Variants in DTD1 observed in about 807,000 individuals in gnomAD.
DTD1 encodes the protein D-tyrosyl-tRNA deacylase 1 homolog.
In DTD1, 13 loss-of-function variants were observed where a neutral mutation model predicts 25.6. That is an observed-to-expected ratio of 0.51 (90% confidence interval 0.33 to 0.81). The LOEUF (loss-of-function observed/expected upper bound fraction) is 0.81, where lower values mean the gene tolerates loss of function less well. Ranked by LOEUF, DTD1 falls within the 30% of genes least tolerant of loss-of-function variation. The pLI is 0.02. For synonymous variants in DTD1, 110 were observed against 103.6 expected (o/e 1.06, Z -0.37); for missense variants, 193 against 266.4 (o/e 0.72, Z 1.92).
intron 5 of DTD1, among the ~76,000 whole-genome samples, chr20:18,759,228 C>T (rs1402065885): frequency 6.6e-6 from 1 of 152,124 alleles, no homozygotes; most frequent in East Asian, 1.9e-4. Context: ...AGCATTTAGC[C>T]CATTCACATT....
intron 4 of DTD1, among the ~76,000 whole-genome samples, chr20:18,673,867 A>G (rs1466505422): frequency 6.6e-6 from 1 of 152,138 alleles, no homozygotes; most frequent in Non-Finnish European, 1.5e-5. Flanking sequence ...TTTTAGAGAA[A>G]AATGTTTCTC....
intron 3 of DTD1, among the ~76,000 whole-genome samples, chr20:18,614,652 A>C (rs1234910792): frequency 6.6e-6 from 1 of 152,154 alleles, no homozygotes; most frequent in African/African-American, 2.4e-5. Context: ...TTAGCGGCAA[A>C]GACAGCCGGG....
chr20:18,733,821 T>G (rs2061246894), intron 4 of DTD1, among the ~76,000 whole-genome samples: 1 of 152,160 alleles, frequency 6.6e-6, no homozygotes, highest in South Asian at 2.1e-4. Flanking sequence ...TGTATGAAAA[T>G]TAGGTACCAT....
chr20:18,744,703 T>A (rs6112084), intron 5 of DTD1, among the ~76,000 whole-genome samples: 24,823 of 150,454 alleles, frequency 0.16, 2,274 homozygotes, highest in East Asian at 0.31. Flanking sequence ...CTTGTGAGAC[T>A]TGTTCACTAC....
At chr20:18,716,639 T>G (rs929429879) in intron 4 of DTD1, among the ~76,000 whole-genome samples, 1 of 152,208 alleles carries the variant, frequency 6.6e-6, no homozygotes, top group African/African-American at 2.4e-5. Flanking sequence ...GCCTGTGGTG[T>G]TGTAAATTTC....
intron 5 of DTD1, among the ~76,000 whole-genome samples, chr20:18,751,065 G>C (rs562233048): frequency 0.011 from 195 of 18,006 alleles, 1 homozygote; most frequent in African/African-American, 0.019. Flanking sequence ...TACAGCAGCC[G>C]TGTGTGTGTG....
chr20:18,620,228 T>A (rs140219079), intron 3 of DTD1: 1 of 152,244 alleles, frequency 6.6e-6, no homozygotes, highest in Non-Finnish European at 1.5e-5. Flanking sequence ...AGTAATCATG[T>A]TATTTTTACC....
At chr20:18,756,205 TC>T (rs1190204874) in intron 5 of DTD1, among the ~76,000 whole-genome samples, 1 of 152,262 alleles carries the variant, frequency 6.6e-6, no homozygotes, top group Non-Finnish European at 1.5e-5. Flanking sequence ...AAAAATTTTC[TC>T]CCACTTTGTA....
chr20:18,724,956 C>A (rs1258794956), intron 4 of DTD1, among the ~76,000 whole-genome samples: 1 of 152,218 alleles, frequency 6.6e-6, no homozygotes, highest in Non-Finnish European at 1.5e-5. Flanking sequence ...GCAGGGAAGC[C>A]CCTACATGGG....
At chr20:18,697,869 A>C (rs1021913426) in intron 4 of DTD1, among the ~76,000 whole-genome samples, 10 of 152,180 alleles carry the variant, frequency 6.6e-5, no homozygotes, top group Admixed American at 2.6e-4. Context: ...TATTTTTAGT[A>C]GAGACGGGGT....
intron 3 of DTD1, among the ~76,000 whole-genome samples, chr20:18,612,033 GTTTTTTT>G (rs57848248): frequency 1.0e-5 from 1 of 96,680 alleles, no homozygotes; most frequent in African/African-American, 4.1e-5. Context: ...TAATTTTTGT[GTTTTTTT>G]TTTTTTTTTT....
intron 4 of DTD1, chr20:18,643,494 A>C (rs2060838353): frequency 5.8e-6 from 1 of 172,480 alleles, no homozygotes; most frequent in African/African-American, 2.4e-5. Flanking sequence ...TTTTTGTTTG[A>C]TAGCATAATC....
At chr20:18,596,860 C>A (rs1372200674) in intron 3 of DTD1, among the ~76,000 whole-genome samples, 1 of 151,922 alleles carries the variant, frequency 6.6e-6, no homozygotes, top group Non-Finnish European at 1.5e-5. Flanking sequence ...TCATTATCAA[C>A]ATCCACCACT....
intron 4 of DTD1, among the ~76,000 whole-genome samples, chr20:18,652,233 T>C (rs1324388821): frequency 6.6e-6 from 1 of 152,236 alleles, no homozygotes; most frequent in Non-Finnish European, 1.5e-5. Context: ...GTCCTTGAAA[T>C]TAAGTGCACT....
intron 4 of DTD1, among the ~76,000 whole-genome samples, chr20:18,722,110 G>A (rs769625490): frequency 1.3e-5 from 2 of 152,200 alleles, no homozygotes; most frequent in East Asian, 1.9e-4. Flanking sequence ...ATCTGATTTC[G>A]TGGCTCCTTG....
intron 4 of DTD1, among the ~76,000 whole-genome samples, chr20:18,704,251 C>T (rs966676217): frequency 2.0e-5 from 3 of 152,160 alleles, no homozygotes; most frequent in African/African-American, 2.4e-5. Flanking sequence ...CCTCCCACCT[C>T]GGCCTCCCAA....
intron 4 of DTD1, among the ~76,000 whole-genome samples, chr20:18,680,090 A>G (rs1413883705): frequency 6.6e-6 from 1 of 152,172 alleles, no homozygotes; most frequent in Non-Finnish European, 1.5e-5. Context: ...TATGCTGGGG[A>G]GGGGAGTGTG....
intron 3 of DTD1, among the ~76,000 whole-genome samples, chr20:18,626,839 C>T (rs564899595): frequency 7.2e-5 from 11 of 152,364 alleles, no homozygotes; most frequent in African/African-American, 2.6e-4. Flanking sequence ...TATATCCTGG[C>T]AACAGAAATT....
At chr20:18,610,297 T>A (rs1313594196) in intron 3 of DTD1, among the ~76,000 whole-genome samples, 4 of 152,170 alleles carry the variant, frequency 2.6e-5, no homozygotes, top group Non-Finnish European at 4.4e-5. Context: ...CTTGCTATGT[T>A]ACTTAGGCTG....
Sources: gnomAD v4.1 joint callset for allele counts (sites outside exome capture counted in the v4.1 genomes callset) on GRCh38, gnomAD v4.1.1 for gene constraint, MANE v1.5 for transcripts, NCBI Gene and HGNC (gene_info 2026-07-23, HGNC 2026-07-21) for gene names.